The following CLPX variants were observed in gnomAD, a reference collection of about 807,000 sequenced individuals.
CLPX encodes the protein caseinolytic mitochondrial matrix peptidase chaperone subunit X.
CLPX carries 34 observed loss-of-function variants against 76.4 expected under a neutral mutation model. The observed-to-expected ratio is 0.45, with a 90% CI of 0.34 to 0.59. The LOEUF is 0.59. Ranked by LOEUF, CLPX falls within the 20% of genes least tolerant of loss-of-function variation. CLPX has a pLI of 0.01. For missense variants in CLPX, 613 were observed against 757.0 expected (o/e 0.81, Z 2.23); for synonymous variants, 248 against 270.9 (o/e 0.92, Z 0.83).
chr15:65,185,127 G>GCAAGTA lies in CLPX; in HGVS notation c.21_26dup (p.Thr8_Cys9dup). ...TGATGAGCCGGACGGCCGCCGCGCC[G>GCAAGTA]CAAGTACAAGCACCGCAGCTGGGCA... On this transcript the variant is annotated inframe_insertion, in exon 1 of 14. Coordinates refer to ENST00000300107, the MANE Select transcript of CLPX (RefSeq NM_006660.5). The GCAAGTA allele has an allele frequency of 6.3e-7, 1 of 1,576,774 alleles. No homozygotes were observed. Among genetic ancestry groups the GCAAGTA allele is most frequent in the Non-Finnish European group, 8.6e-7 (1 of 1,161,596 alleles).
Position 65,155,730 on chromosome 15 carries a change from C to T in CLPX, c.1273G>A (p.Gly425Ser). 1.2e-6 allele frequency: 2 copies of T among 1,614,022 alleles called. No individual in the cohort carries two copies. Among genetic ancestry groups the T allele is most frequent in the Non-Finnish European group, 1.7e-6 (2 of 1,179,960 alleles). Reference protein sequence around the residue: ...ILFVASGAFNGLDRIISRRKN... With the variant: ...ILFVASGAFNSLDRIISRRKN... ...CTCCTGCTGATGATTCTGTCTAAACCATTGAAAGCACCAGATGCCACAAAC... is the reference window on the plus strand; with the variant it reads ...CTCCTGCTGATGATTCTGTCTAAACTATTGAAAGCACCAGATGCCACAAAC... Residue 425 changes from glycine (G) to serine (S), a missense_variant, in exon 10 of 14, where the codon GGT (glycine) becomes AGT (serine). Physicochemically the swap from Gly to Ser is moderately conservative, Grantham distance 56. Coordinates refer to ENST00000300107, the MANE Select transcript of CLPX (RefSeq NM_006660.5).
At position 65,148,317 on chromosome 15, in the gene CLPX, C is replaced by T. The variant is rs573241156; in HGVS notation, c.*2506G>A. 1.8e-4 allele frequency: 27 copies of T among 152,350 alleles called. No homozygotes were observed. The East Asian group carries it at 5.2e-3, about 29-fold the overall frequency. The allele number at this position is 152,350 out of a possible 1,614,324, so 9.4% of individuals were successfully genotyped here. ...AACATCGACTATGCTTTGTTAACAA[C>T]TTCCAAAGCCAAATGTAAGTTGTTG... On this transcript the variant is annotated 3_prime_UTR_variant, in exon 14 of 14. Transcript: ENST00000300107.
At chr15:65,168,910 G>A (rs1220733969) in intron 3 of CLPX, among the ~76,000 whole-genome samples, 1 of 149,860 alleles carries the variant, frequency 6.7e-6, no homozygotes, top group Non-Finnish European at 1.5e-5. Flanking sequence ...AGGCTGAAGT[G>A]CAGTGGCGTG....
In CLPX at chr15:65,180,155, T is replaced by C; in HGVS notation, c.129A>G (p.Thr43=). Residue 43 remains threonine (T), a synonymous_variant, in exon 2 of 14, where the codon ACA becomes ACG. Coordinates refer to ENST00000300107, the MANE Select transcript of CLPX (RefSeq NM_006660.5). ...CTCTTTGCAGAATCTGAGTTTCAAATGTCCCAAGCCTTCCTAAAACTGACA... is the reference window on the plus strand; with the variant it reads ...CTCTTTGCAGAATCTGAGTTTCAAACGTCCCAAGCCTTCCTAAAACTGACA... ...IHMSVLGRLG[T]FETQILQRAP... is the part of the protein sequence containing the mutation. 2 of 1,611,834 alleles carry C rather than the reference T, an allele frequency of 1.2e-6. No individual in the cohort carries two copies. The highest frequency in any genetic ancestry group is 1.7e-6 in the Non-Finnish European group (2 of 1,178,682).
At chr15:65,169,759 T>C (rs2087973051) in intron 3 of CLPX, among the ~76,000 whole-genome samples, 1 of 137,166 alleles carries the variant, frequency 7.3e-6, no homozygotes, top group East Asian at 2.0e-4. Context: ...ATATATTTAC[T>C]TTTTTTTTTT....
chr15:65,180,144 T>C lies in CLPX; in HGVS notation c.140A>G (p.Gln47Arg), dbSNP rs1306311051. ...TCTAAGAGGAGCTCTTTGCAGAATC[T>C]GAGTTTCAAATGTCCCAAGCCTTCC... ...VLGRLGTFET[Q>R]ILQRAPLRSF... Residue 47 changes from glutamine to arginine, a missense_variant, in exon 2 of 14, where the codon CAG (glutamine) becomes CGG (arginine). By Grantham distance (43) the Gln-to-Arg change is conservative (BLOSUM62 1). Around this residue, in one of 2 missense-constraint regions of CLPX, gnomAD observed 163 missense variants for 118.4 expected, o/e 1.38. Transcript: ENST00000300107. The C allele has an allele frequency of 6.8e-6, 11 of 1,612,748 alleles. No individual in the cohort carries two copies. Among genetic ancestry groups the C allele is most frequent in the Non-Finnish European group, 9.3e-6 (11 of 1,179,230 alleles).
intron 6 of CLPX, among the ~76,000 whole-genome samples, chr15:65,160,697 A>G (rs1009310160): frequency 4.6e-5 from 7 of 152,010 alleles, no homozygotes; most frequent in Admixed American, 4.6e-4. Flanking sequence ...CAAGGGGCAT[A>G]TTAATTACAG....
chr15:65,154,746 T>TA lies in CLPX; in HGVS notation c.1611+35dup, dbSNP rs762803210. 19 of 1,506,634 alleles carry TA rather than the reference T, an allele frequency of 1.3e-5. 1 individual carries two copies. In the Middle Eastern group the frequency reaches 7.0e-4, roughly 55 times the overall value. The allele number at this position is 1,506,634 out of a possible 1,614,324, so 93.3% of individuals were successfully genotyped here. A position where few individuals can be genotyped will look rare whatever the true frequency, so the allele number is the denominator to read the frequency against. On this transcript the variant is annotated intron_variant, in intron 11 of 13. Coordinates refer to ENST00000300107, the MANE Select transcript of CLPX (RefSeq NM_006660.5). ...ATGTAGAATTTCAATAGCAAGAAAATAAAAAATAACTAAGTACAAAAAATA... is the reference window on the plus strand; with the variant it reads ...ATGTAGAATTTCAATAGCAAGAAAATAAAAAAATAACTAAGTACAAAAAATA...
intron 3 of CLPX, among the ~76,000 whole-genome samples, chr15:65,177,382 T>C (rs1387876873): frequency 6.6e-6 from 1 of 152,204 alleles, no homozygotes; most frequent in African/African-American, 2.4e-5. Context: ...TTTCATTTTA[T>C]GTTGTGATCC....
At chr15:65,183,259 G>C (rs1184287215) in intron 1 of CLPX, among the ~76,000 whole-genome samples, 3 of 151,552 alleles carry the variant, frequency 2.0e-5, no homozygotes, top group Admixed American at 6.6e-5. Context: ...TCAGGAGATC[G>C]AGACCATCCT....
intron 6 of CLPX, among the ~76,000 whole-genome samples, chr15:65,159,681 T>C (rs974629008): frequency 1.3e-5 from 2 of 152,196 alleles, no homozygotes; most frequent in Non-Finnish European, 2.9e-5. Flanking sequence ...TATTCTCACT[T>C]TCTCTTGGCT....
intron 3 of CLPX, among the ~76,000 whole-genome samples, chr15:65,168,901 G>A (rs1171950977): frequency 6.6e-6 from 1 of 151,052 alleles, no homozygotes; most frequent in African/African-American, 2.4e-5. Context: ...CTGTTGCCCA[G>A]GCTGAAGTGC....
chr15:65,162,728 A>G lies in CLPX; in HGVS notation c.674-83T>C. Reference sequence around the variant, plus strand: ...GTATCCCACCTCCTGTCCTCTTTCAAATATATTTAAAGGATTTGTTCATTA... The same window carrying G: ...GTATCCCACCTCCTGTCCTCTTTCAGATATATTTAAAGGATTTGTTCATTA... On this transcript the variant is annotated intron_variant, in intron 5 of 13. Transcript: ENST00000300107. The G allele has an allele frequency of 5.5e-6, 4 of 724,978 alleles. 1 individual carries two copies. The highest frequency in any genetic ancestry group is 4.7e-6 in the Non-Finnish European group (2 of 425,444). 44.9% of individuals were successfully genotyped at this position (724,978 alleles called of 1,614,324 possible). A position where few individuals can be genotyped will look rare whatever the true frequency, so the allele number is the denominator to read the frequency against.
intron 1 of CLPX, among the ~76,000 whole-genome samples, chr15:65,181,206 A>C (rs1259725534): frequency 6.6e-6 from 1 of 152,014 alleles, no homozygotes; most frequent in Non-Finnish European, 1.5e-5. Context: ...CTCAAAAAAA[A>C]AAAAAGTTCT....
Position 65,157,760 on chromosome 15 carries a change from T to A in CLPX, c.1043A>T (p.Glu348Val), listed in dbSNP as rs1181526160. The change falls in exon 8 of 14, where the codon GAA (glutamate) becomes GTA (valine). Residue 348 changes from glutamate (E) to valine (V), a missense_variant. Around this residue, in one of 2 missense-constraint regions of CLPX, gnomAD observed 450 missense variants for 638.6 expected, o/e 0.70. Coordinates refer to ENST00000300107, the MANE Select transcript of CLPX (RefSeq NM_006660.5). Reference sequence around the variant, plus strand: ...TGAAAACATACCTTGTTGTGCTTTTTCCACATTATAATTGGCATCTTGGAG... The same window carrying A: ...TGAAAACATACCTTGTTGTGCTTTTACCACATTATAATTGGCATCTTGGAG... ...KLLQDANYNV[E>V]KAQQGIVFLD... The A allele has an allele frequency of 6.2e-7, 1 of 1,613,242 alleles. No homozygotes were observed. Among genetic ancestry groups the A allele is most frequent in the African/African-American group, 1.3e-5 (1 of 74,902 alleles).
chr15:65,156,746 CAG>C (rs878867864), intron 9 of CLPX, 96 bp downstream of exon 9: 1 of 713,206 alleles, frequency 1.4e-6, no homozygotes, highest in Non-Finnish European at 2.4e-6. Context: ...AGAAATAAAA[CAG>C]AATCTAATTG....
At chr15:65,166,532 T>A (rs1354718061) in intron 4 of CLPX, 99 bp downstream of exon 4, 2 of 1,226,410 alleles carry the variant, frequency 1.6e-6, no homozygotes, top group East Asian at 2.3e-5. Flanking sequence ...TAATACTTGT[T>A]TATATACTAG....
intron 6 of CLPX, among the ~76,000 whole-genome samples, chr15:65,159,811 C>T (rs1488787999): frequency 7.1e-5 from 10 of 141,176 alleles, no homozygotes; most frequent in African/African-American, 1.8e-4. Flanking sequence ...ATTTTCTTTT[C>T]TTTTTTTTTT....
chr15:65,153,705 TTAAG>T (rs944678229), intron 11 of CLPX, 66 bp from the exon 12 acceptor site: 3 of 917,732 alleles, frequency 3.3e-6, no homozygotes, highest in South Asian at 1.8e-5. Flanking sequence ...AAATGTACCA[TTAAG>T]TGAGGGCACA....
Sources: allele counts gnomAD v4.1 joint callset (sites outside exome capture counted in the v4.1 genomes callset), GRCh38; gene constraint gnomAD v4.1.1; regional missense constraint gnomAD v4.1.1; transcripts MANE v1.5; gene names NCBI Gene and HGNC (gene_info 2026-07-23, HGNC 2026-07-21).